ZNF804A: variants seen among roughly 807,000 people sequenced by gnomAD.
The protein encoded by ZNF804A is zinc finger protein 804A.
In ZNF804A, 2 loss-of-function variants were observed where a neutral mutation model predicts 16.5. The ratio of observed to expected loss-of-function variants is 0.12; its 90% confidence interval spans 0.05 to 0.38. The LOEUF is 0.38. Ranked by LOEUF, ZNF804A falls within the 10% of genes least tolerant of loss-of-function variation. ZNF804A has a pLI of 0.99. For missense variants in ZNF804A, 1,473 were observed against 1,390.7 expected, an observed-to-expected ratio of 1.06 and a Z score of -0.94; for synonymous variants, 534 against 489.6, an observed-to-expected ratio of 1.09 and a Z score of -1.20.
chr2:184,671,686 C>A (rs1574155763), intron 1 of ZNF804A, among the ~76,000 whole-genome samples: 1 of 152,126 alleles, frequency 6.6e-6, no homozygotes, highest in African/African-American at 2.4e-5. Context: ...ATTTTGATAT[C>A]CATATGCTGC....
intron 1 of ZNF804A, among the ~76,000 whole-genome samples, chr2:184,785,806 C>T (rs1694438706): frequency 6.6e-6 from 1 of 152,092 alleles, no homozygotes; most frequent in Middle Eastern, 3.4e-3. Flanking sequence ...TACACATATA[C>T]CTGTACACAT....
chr2:184,819,666 T>G (rs779925942), intron 1 of ZNF804A, among the ~76,000 whole-genome samples: 3 of 151,002 alleles, frequency 2.0e-5, no homozygotes, highest in Non-Finnish European at 4.4e-5. Flanking sequence ...TAAAATAGAC[T>G]GCTAGCTTGA....
At chr2:184,719,423 T>G (rs1693269179) in intron 1 of ZNF804A, among the ~76,000 whole-genome samples, 1 of 152,212 alleles carries the variant, frequency 6.6e-6, no homozygotes, top group Non-Finnish European at 1.5e-5. Context: ...TTTCTGCAGC[T>G]GGCTGGAATT....
intron 1 of ZNF804A, among the ~76,000 whole-genome samples, chr2:184,698,649 G>T (rs1033499830): frequency 6.6e-6 from 1 of 152,040 alleles, no homozygotes; most frequent in Non-Finnish European, 1.5e-5. Context: ...AGAAATTGCA[G>T]AGATATGGTA....
At position 184,938,240 on chromosome 2, in the gene ZNF804A, G is replaced by A. The variant is rs936101512; in HGVS notation, c.2844G>A (p.Lys948=). ...ERSENINLNE[K]QIPFQVPNIE... The stretch of plus-strand genomic sequence containing the variant: ...GTGAGAATATAAATCTTAATGAAAA[G>A]CAAATTCCTTTTCAGGTGCCTAATA... The change falls in exon 4 of 4, where the codon AAG becomes AAA. Residue 948 remains lysine, a synonymous_variant. Transcript: ENST00000302277. The A allele has an allele frequency of 6.2e-7, 1 of 1,614,058 alleles. No individual in the cohort carries two copies. Among genetic ancestry groups the A allele is most frequent in the Non-Finnish European group, 8.5e-7 (1 of 1,179,996 alleles).
intron 1 of ZNF804A, among the ~76,000 whole-genome samples, chr2:184,803,802 G>C (rs750642992): frequency 8.6e-5 from 13 of 150,818 alleles, no homozygotes; most frequent in Non-Finnish European, 1.9e-4. Context: ...ACTCCAATCT[G>C]TGTATCTGTC....
intron 1 of ZNF804A, among the ~76,000 whole-genome samples, chr2:184,850,530 C>G (rs1489949434): frequency 6.6e-6 from 1 of 151,590 alleles, no homozygotes; most frequent in African/African-American, 2.4e-5. Flanking sequence ...ATTTTCCCCT[C>G]TCTCCCTTGA....
chr2:184,895,810 A>G (rs1408960341), intron 2 of ZNF804A, among the ~76,000 whole-genome samples: 1 of 152,224 alleles, frequency 6.6e-6, no homozygotes, highest in Non-Finnish European at 1.5e-5. Context: ...TCTAAAATGT[A>G]GTCTTTAGTT....
intron 2 of ZNF804A, among the ~76,000 whole-genome samples, chr2:184,878,996 A>AAGTCATC (rs1684763860): frequency 6.6e-6 from 1 of 152,014 alleles, no homozygotes; most frequent in South Asian, 2.1e-4. Flanking sequence ...CTACACTTAG[A>AAGTCATC]AGTCATCAAC....
chr2:184,816,280 C>T (rs1047926663), intron 1 of ZNF804A, among the ~76,000 whole-genome samples: 1 of 151,986 alleles, frequency 6.6e-6, no homozygotes, highest in African/African-American at 2.4e-5. Flanking sequence ...ACCTACTTGC[C>T]TTTTATGATG....
At chr2:184,741,725 A>ATTT (rs1462524500) in intron 1 of ZNF804A, among the ~76,000 whole-genome samples, 1 of 152,178 alleles carries the variant, frequency 6.6e-6, no homozygotes, top group African/African-American at 2.4e-5. Flanking sequence ...AGAAACTCAA[A>ATTT]TATGTAGAAA....
At chr2:184,757,147 C>T (rs977887898) in intron 1 of ZNF804A, among the ~76,000 whole-genome samples, 97 of 152,156 alleles carry the variant, frequency 6.4e-4, no homozygotes, top group African/African-American at 2.2e-3. Context: ...CATCTGATCA[C>T]GTGACCACAT....
At chr2:184,715,672 A>G (rs768170576) in intron 1 of ZNF804A, among the ~76,000 whole-genome samples, 15 of 152,172 alleles carry the variant, frequency 9.9e-5, no homozygotes, top group Non-Finnish European at 1.9e-4. Flanking sequence ...AAGTGCTGAT[A>G]TTATAGGCAT....
rs187299526 is a variant in ZNF804A at position 184,925,358 on chromosome 2, C to A, written c.256-8245C>A. Among the ~76,000 whole-genome samples, 178 of 151,992 alleles carry A rather than the reference C, an allele frequency of 1.2e-3. 1 individual carries two copies. The highest frequency in any genetic ancestry group is 8.1e-3 in the South Asian group (39 of 4,824). ...CTCATATAACTATAGCTACTCCTAT[C>A]CTTTCTTGGTTTCCATTGTCATGGG... On this transcript the variant is annotated intron_variant, in intron 2 of 3. Coordinates refer to ENST00000302277, the MANE Select transcript of ZNF804A (RefSeq NM_194250.2).
intron 1 of ZNF804A, among the ~76,000 whole-genome samples, chr2:184,823,023 T>C (rs1222997964): frequency 1.3e-5 from 2 of 152,138 alleles, no homozygotes; most frequent in Admixed American, 1.3e-4. Flanking sequence ...CTTGCTACTA[T>C]AACAAAATGC....
intron 1 of ZNF804A, among the ~76,000 whole-genome samples, chr2:184,726,175 T>G (rs1363283220): frequency 6.6e-6 from 1 of 151,684 alleles, no homozygotes; most frequent in East Asian, 1.9e-4. Flanking sequence ...CTAGATTGTA[T>G]GCTATGCGTA....
At chr2:184,777,981 A>T (rs1362030142) in intron 1 of ZNF804A, among the ~76,000 whole-genome samples, 2 of 151,680 alleles carry the variant, frequency 1.3e-5, no homozygotes, top group Non-Finnish European at 3.0e-5. Context: ...TCATTTACAA[A>T]ATGTAATTGA....
intron 2 of ZNF804A, among the ~76,000 whole-genome samples, chr2:184,867,298 AT>A (rs1695890657): frequency 6.6e-6 from 1 of 152,044 alleles, no homozygotes; most frequent in African/African-American, 2.4e-5. Flanking sequence ...AACATTTTCT[AT>A]TTTAGCTATC....
intron 1 of ZNF804A, among the ~76,000 whole-genome samples, chr2:184,679,199 A>G (rs139378375): frequency 6.6e-6 from 1 of 152,360 alleles, no homozygotes; most frequent in African/African-American, 2.4e-5. Flanking sequence ...TACTTAGAGG[A>G]ATGTGCTATA....
Sources: allele counts gnomAD v4.1 joint callset (sites outside exome capture counted in the v4.1 genomes callset), GRCh38; gene constraint gnomAD v4.1.1; transcripts MANE v1.5; gene names NCBI Gene and HGNC (gene_info 2026-07-23, HGNC 2026-07-21).